TTLL11: variants seen among roughly 807,000 people sequenced by gnomAD.
The protein encoded by TTLL11 is tubulin tyrosine ligase like 11, also known as tubulin polyglutamylase TTLL11.
In TTLL11, 42 loss-of-function variants were observed where a neutral mutation model predicts 51.7. That is an observed-to-expected ratio of 0.81 (90% CI 0.64 to 1.05). The LOEUF is 1.05. Ranked by LOEUF, TTLL11 falls within the 50% of genes least tolerant of loss-of-function variation. The pLI, the probability that TTLL11 is intolerant of heterozygous loss-of-function variation, is 0.00. For missense variants in TTLL11, 799 were observed against 940.4 expected (o/e 0.85, Z 1.97); for synonymous variants, 381 against 383.5 (o/e 0.99, Z 0.08).
intron 3 of TTLL11, among the ~76,000 whole-genome samples, chr9:122,014,107 G>A (rs1252208425): frequency 5.9e-5 from 9 of 152,156 alleles, no homozygotes; most frequent in Admixed American, 5.2e-4. Context: ...GCTCACACCT[G>A]TAATCCCAGT....
chr9:121,994,446 T>C (rs537911577), intron 3 of TTLL11, among the ~76,000 whole-genome samples: 1 of 152,302 alleles, frequency 6.6e-6, no homozygotes, highest in South Asian at 2.1e-4. Flanking sequence ...TCTAAGCACT[T>C]TGGAGGTATT....
At chr9:121,886,296 T>G (rs1389279800) in intron 6 of TTLL11, among the ~76,000 whole-genome samples, 1 of 152,204 alleles carries the variant, frequency 6.6e-6, no homozygotes. Context: ...CCCTGAAACC[T>G]GTGAATGTGA....
intron 8 of TTLL11, among the ~76,000 whole-genome samples, chr9:121,848,110 G>A (rs982222384): frequency 6.6e-6 from 1 of 151,996 alleles, no homozygotes; most frequent in Non-Finnish European, 1.5e-5. Flanking sequence ...AGGAGGCTAA[G>A]GCAGAAGGAT....
intron 4 of TTLL11, chr9:121,988,842 T>G: frequency 1.3e-5 from 5 of 384,546 alleles, no homozygotes; most frequent in East Asian, 4.6e-5. Flanking sequence ...CTACTAAGCA[T>G]GTGGCAAAGG....
chr9:121,820,971 G>T lies in TTLL11; in HGVS notation c.*1616C>A, dbSNP rs1333631711. ...GGGTGCTGCGCGGCAGCCACACCGT[G>T]GGGGAAACAGGTTTTCCTCTTTGAG... On this transcript the variant is annotated 3_prime_UTR_variant, in exon 9 of 9. Coordinates refer to ENST00000321582, the MANE Select transcript of TTLL11 (RefSeq NM_001139442.2). 6.6e-6 allele frequency among the ~76,000 whole-genome samples: 1 copy of T among 151,880 alleles called. No homozygotes were observed. Among genetic ancestry groups the T allele is most frequent in the Admixed American group, 6.6e-5 (1 of 15,234 alleles).
chr9:121,875,735 G>T (rs1011434284), intron 6 of TTLL11, among the ~76,000 whole-genome samples: 1 of 152,128 alleles, frequency 6.6e-6, no homozygotes, highest in African/African-American at 2.4e-5. Context: ...TGGAAATGTC[G>T]GGCTTATGAA....
intron 1 of TTLL11, among the ~76,000 whole-genome samples, chr9:122,040,026 G>T (rs1438233289): frequency 1.3e-5 from 2 of 152,146 alleles, no homozygotes; most frequent in African/African-American, 4.8e-5. Context: ...TCTGACTCAA[G>T]ATGAGATAAC....
At position 121,970,603 on chromosome 9, in the gene TTLL11, C is replaced by T. The variant is rs533040815; in HGVS notation, c.1481+3406G>A. Among the ~76,000 whole-genome samples the T allele has an allele frequency of 6.6e-5, 10 of 152,324 alleles. No individual in the cohort carries two copies. In the South Asian group the frequency reaches 1.9e-3, roughly 28 times the overall value. On this transcript the variant is annotated intron_variant, in intron 6 of 8. Coordinates refer to ENST00000321582, the MANE Select transcript of TTLL11 (RefSeq NM_001139442.2). Reference sequence around the variant, plus strand: ...TCCAACAAAGATATGAAAAAAAGCTCATCATCACTGGTCATTAGAGAAATG... The same window carrying T: ...TCCAACAAAGATATGAAAAAAAGCTTATCATCACTGGTCATTAGAGAAATG...
chr9:122,081,706 G>A (rs765405942), intron 1 of TTLL11, among the ~76,000 whole-genome samples: 8 of 152,164 alleles, frequency 5.3e-5, no homozygotes, highest in Non-Finnish European at 1.2e-4. Flanking sequence ...AAGTAATTAA[G>A]GACTGTTTTT....
At chr9:121,982,102 A>G (rs1215235745) in intron 4 of TTLL11, among the ~76,000 whole-genome samples, 1 of 151,994 alleles carries the variant, frequency 6.6e-6, no homozygotes, top group Non-Finnish European at 1.5e-5. Flanking sequence ...CCAAACTTCA[A>G]TCTTCAACTC....
chr9:121,958,259 C>T (rs760284684), intron 6 of TTLL11, among the ~76,000 whole-genome samples: 1 of 152,180 alleles, frequency 6.6e-6, no homozygotes, highest in African/African-American at 2.4e-5. Flanking sequence ...TTCAGTCAAC[C>T]CTTATCATTT....
At chr9:122,090,549 G>A (rs1242685147) in intron 1 of TTLL11, among the ~76,000 whole-genome samples, 1 of 152,050 alleles carries the variant, frequency 6.6e-6, no homozygotes, top group Non-Finnish European at 1.5e-5. Context: ...ACTCAGCTCG[G>A]GTTTATTTCC....
At chr9:122,030,865 CAGGAGGTGGAAGCTGCAGTAAGCCA>C (rs938130230) in intron 3 of TTLL11, among the ~76,000 whole-genome samples, 1 of 151,980 alleles carries the variant, frequency 6.6e-6, no homozygotes, top group Non-Finnish European at 1.5e-5. Flanking sequence ...GGCTTGAACC[CAGGAGGTGGAAGCTGCAGTAAGCCA>C]AGATCTCACG....
chr9:121,972,940 A>G (rs1842612833), intron 6 of TTLL11, among the ~76,000 whole-genome samples: 1 of 152,262 alleles, frequency 6.6e-6, no homozygotes, highest in Admixed American at 6.5e-5. Context: ...CATTCCTCCC[A>G]GTCTTGAACA....
At chr9:121,988,933 T>C (rs908974872) in intron 4 of TTLL11, 2 of 702,376 alleles carry the variant, frequency 2.8e-6, no homozygotes, top group African/African-American at 3.6e-5. Flanking sequence ...TCTCATTTAA[T>C]TCTTACAAGA....
intron 1 of TTLL11, among the ~76,000 whole-genome samples, chr9:122,061,929 C>A (rs1207696939): frequency 6.6e-6 from 1 of 152,180 alleles, no homozygotes; most frequent in African/African-American, 2.4e-5. Flanking sequence ...AGCCACTGCA[C>A]CCAGCCGAAT....
rs1305772037 is a variant in TTLL11 at position 121,846,070 on chromosome 9, T to C, written c.1840+14267A>G. On this transcript the variant is annotated intron_variant, in intron 8 of 8. Coordinates refer to ENST00000321582, the MANE Select transcript of TTLL11 (RefSeq NM_001139442.2). ...GTAAAAACAACAAAAAAAAGATAGATAAAAAAGCAAAGGGTTGGAGGAAGA... is the reference window on the plus strand; with the variant it reads ...GTAAAAACAACAAAAAAAAGATAGACAAAAAAGCAAAGGGTTGGAGGAAGA... Among the ~76,000 whole-genome samples the C allele has an allele frequency of 7.1e-5, 8 of 112,520 alleles. No homozygotes were observed. The South Asian group carries it at 1.9e-3, about 27-fold the overall frequency. The allele number at this position is 112,520 out of a possible 152,430, so 73.8% of individuals were successfully genotyped here.
intron 1 of TTLL11, among the ~76,000 whole-genome samples, chr9:122,091,862 T>G (rs1022348175): frequency 3.9e-5 from 6 of 152,196 alleles, no homozygotes; most frequent in Middle Eastern, 3.2e-3. Context: ...TTCCATCCCC[T>G]GCCAGTCTAA....
chr9:121,956,590 T>G (rs558608558), intron 6 of TTLL11, among the ~76,000 whole-genome samples: 2 of 152,334 alleles, frequency 1.3e-5, no homozygotes, highest in South Asian at 4.1e-4. Context: ...TGGGGCCTAC[T>G]GGCCGCCCTG....
Sources: allele counts gnomAD v4.1 joint callset (sites outside exome capture counted in the v4.1 genomes callset), GRCh38; gene constraint gnomAD v4.1.1; transcripts MANE v1.5; gene names NCBI Gene and HGNC (gene_info 2026-07-23, HGNC 2026-07-21).